SKAP2: variants seen among roughly 807,000 people sequenced by gnomAD.
SKAP2 encodes the protein src kinase-associated phosphoprotein 2.
In SKAP2, 28 loss-of-function variants were observed where a neutral mutation model predicts 54.9. That is an observed-to-expected ratio of 0.51 (90% CI 0.38 to 0.70). The LOEUF is 0.70. SKAP2 is among the 30% of genes least tolerant of loss of function. The pLI is 0.00. For missense variants in SKAP2, 356 were observed against 424.1 expected (o/e 0.84, Z 1.41); for synonymous variants, 137 against 134.3 (o/e 1.02, Z -0.14).
intron 4 of SKAP2, among the ~76,000 whole-genome samples, chr7:26,745,032 GT>G (rs146056303): frequency 2.0e-5 from 3 of 152,034 alleles, no homozygotes; most frequent in African/African-American, 7.2e-5. Flanking sequence ...TTTTTTGGTT[GT>G]TTAATCTAGA....
chr7:26,713,120 T>G (rs1013051710), intron 9 of SKAP2, among the ~76,000 whole-genome samples: 6 of 152,234 alleles, frequency 3.9e-5, no homozygotes, highest in Admixed American at 2.6e-4. Flanking sequence ...CCCTCCTTTC[T>G]GGTTCTTGAA....
At chr7:26,728,370 T>C (rs962378854) in intron 6 of SKAP2, among the ~76,000 whole-genome samples, 3 of 152,156 alleles carry the variant, frequency 2.0e-5, no homozygotes, top group Admixed American at 6.6e-5. Context: ...TACATTTACA[T>C]AGTAATTAAA....
intron 3 of SKAP2, among the ~76,000 whole-genome samples, chr7:26,844,839 C>T (rs773000125): frequency 1.2e-4 from 18 of 152,022 alleles, no homozygotes; most frequent in Non-Finnish European, 2.4e-4. Context: ...AATGTTCTGG[C>T]CAGTTTCCAA....
chr7:26,850,208 G>A (rs1299765548), intron 3 of SKAP2, among the ~76,000 whole-genome samples: 2 of 152,176 alleles, frequency 1.3e-5, no homozygotes, highest in Non-Finnish European at 2.9e-5. Flanking sequence ...CATAATTCCA[G>A]TGCATGAAGC....
chr7:26,791,049 T>A (rs115732197), intron 4 of SKAP2, among the ~76,000 whole-genome samples: 1,679 of 151,830 alleles, frequency 0.011, 32 homozygotes, highest in African/African-American at 0.039. Flanking sequence ...TGTTTTAATT[T>A]AAAAAAAATC....
Position 26,864,404 on chromosome 7 carries a change from G to A in SKAP2, c.26C>T (p.Ser9Phe). Residue 9 changes from serine to phenylalanine, a missense_variant, in exon 1 of 13, where the codon TCT (serine) becomes TTT (phenylalanine). Physicochemically the swap from Ser to Phe is radical, Grantham distance 155. Transcript: ENST00000345317. ...AATTTCCTCAGGGAGGGGGTAGGGA[G>A]AGGAGGTGCTGCTGGGGTTGGGCAT... MPNPSSTS[S>F]PYPLPEEIRN... 1 of 1,612,124 alleles carries A rather than the reference G, an allele frequency of 6.2e-7. No individual in the cohort carries two copies. Among genetic ancestry groups the A allele is most frequent in the Non-Finnish European group, 8.5e-7 (1 of 1,179,004 alleles).
At position 26,738,735 on chromosome 7, in the gene SKAP2, G is replaced by A; in HGVS notation, c.469+60C>T. 4.6e-6 allele frequency: 4 copies of A among 874,074 alleles called. 1 individual carries two copies. In the South Asian group the frequency reaches 5.3e-5, roughly 12 times the overall value. 54.1% of individuals were successfully genotyped at this position (874,074 alleles called of 1,614,324 possible). ...GTTTACTCTGTACTCAAAAGAGGGG[G>A]AAGGGATGGCCAAAAATTCTTTTGC... is the stretch of plus-strand genomic sequence containing the variant. On this transcript the variant is annotated intron_variant, in intron 6 of 12. Coordinates refer to ENST00000345317, the MANE Select transcript of SKAP2 (RefSeq NM_003930.5).
intron 9 of SKAP2, among the ~76,000 whole-genome samples, chr7:26,698,150 G>C (rs1299275398): frequency 3.3e-5 from 5 of 152,136 alleles, no homozygotes; most frequent in Admixed American, 3.3e-4. Flanking sequence ...ATAGGCTTTT[G>C]CTCTGTTTCC....
intron 1 of SKAP2, among the ~76,000 whole-genome samples, chr7:26,863,027 A>C (rs1279198306): frequency 6.6e-6 from 1 of 152,192 alleles, no homozygotes; most frequent in Non-Finnish European, 1.5e-5. Flanking sequence ...GCCTGAAGTC[A>C]GTCTTTAGAC....
intron 4 of SKAP2, among the ~76,000 whole-genome samples, chr7:26,755,115 T>C (rs1782762243): frequency 6.6e-6 from 1 of 152,208 alleles, no homozygotes; most frequent in Non-Finnish European, 1.5e-5. Flanking sequence ...TTTACAAATA[T>C]GTTTTATCTA....
intron 4 of SKAP2, among the ~76,000 whole-genome samples, chr7:26,790,870 TTGA>T (rs1783659217): frequency 6.6e-6 from 1 of 152,176 alleles, no homozygotes; most frequent in Non-Finnish European, 1.5e-5. Context: ...ATAAAAAGTC[TTGA>T]ATATAGCAAC....
intron 11 of SKAP2, 106 bp from the exon 12 acceptor site, chr7:26,670,298 G>T: frequency 1.6e-6 from 1 of 612,594 alleles, no homozygotes; most frequent in Non-Finnish European, 3.0e-6. Flanking sequence ...AGTTAAAAGA[G>T]CTTGAGCTGC....
intron 9 of SKAP2, among the ~76,000 whole-genome samples, chr7:26,700,345 C>G (rs1456255667): frequency 2.0e-5 from 3 of 152,164 alleles, no homozygotes; most frequent in African/African-American, 7.2e-5. Context: ...ATAAAAGACT[C>G]TCTTTGATAC....
At chr7:26,753,522 A>C (rs191057765) in intron 4 of SKAP2, among the ~76,000 whole-genome samples, 1 of 152,346 alleles carries the variant, frequency 6.6e-6, no homozygotes, top group East Asian at 1.9e-4. Context: ...AACAGAAGGA[A>C]AATCCCCAAA....
At chr7:26,786,428 T>G (rs767052941) in intron 4 of SKAP2, among the ~76,000 whole-genome samples, 3 of 152,176 alleles carry the variant, frequency 2.0e-5, no homozygotes, top group Non-Finnish European at 4.4e-5. Flanking sequence ...GGATGGAGAA[T>G]GATGACAGAG....
At chr7:26,821,666 G>A (rs565442330) in intron 4 of SKAP2, among the ~76,000 whole-genome samples, 15 of 152,178 alleles carry the variant, frequency 9.9e-5, no homozygotes, top group Middle Eastern at 3.4e-3. Context: ...CAACAAACTT[G>A]ATCTTTCTTA....
At chr7:26,793,865 A>G (rs1270228496) in intron 4 of SKAP2, among the ~76,000 whole-genome samples, 1 of 152,248 alleles carries the variant, frequency 6.6e-6, no homozygotes, top group Non-Finnish European at 1.5e-5. Flanking sequence ...CAGCCTCTGT[A>G]AAGCTGCAAG....
rs374776680 is a variant in SKAP2 at position 26,725,450 on chromosome 7, A to G, written c.774T>C (p.Asp258=). The part of the protein sequence containing the change: ...NPLTSSQPID[D]EIYEELPEEE... ...TACCTGGAAGTTCTTCATAAATTTC[A>G]TCATCTATTGGTTGACTGCTTGTTA... The change falls in exon 9 of 13, where the codon GAT becomes GAC. Residue 258 remains aspartate (D), a synonymous_variant. Coordinates refer to ENST00000345317, the MANE Select transcript of SKAP2 (RefSeq NM_003930.5). The G allele has an allele frequency of 8.7e-6, 14 of 1,610,634 alleles. No individual in the cohort carries two copies. In the African/African-American group the frequency reaches 1.7e-4, roughly 20 times the overall value.
intron 4 of SKAP2, among the ~76,000 whole-genome samples, chr7:26,828,093 T>C (rs980493907): frequency 1.3e-5 from 2 of 152,162 alleles, no homozygotes; most frequent in Non-Finnish European, 2.9e-5. Flanking sequence ...CAGCACCCCT[T>C]AGATCCCACC....
Sources: allele counts gnomAD v4.1 joint callset (sites outside exome capture counted in the v4.1 genomes callset), GRCh38; gene constraint gnomAD v4.1.1; transcripts MANE v1.5; gene names NCBI Gene and HGNC (gene_info 2026-07-23, HGNC 2026-07-21).